FTO: variants seen among roughly 807,000 people sequenced by gnomAD.
FTO encodes the protein FTO alpha-ketoglutarate dependent dioxygenase, also known as alpha-ketoglutarate-dependent dioxygenase FTO.
In FTO, 47 loss-of-function variants were observed where a neutral mutation model predicts 63.9. The ratio of observed to expected loss-of-function variants is 0.74; its 90% CI spans 0.58 to 0.94. FTO has a LOEUF of 0.94. Ranked by LOEUF, FTO falls within the 40% of genes least tolerant of loss-of-function variation. FTO has a pLI of 0.00. For missense variants in FTO, 562 were observed against 618.1 expected, an observed-to-expected ratio of 0.91 and a Z score of 0.96; for synonymous variants, 207 against 224.4, an observed-to-expected ratio of 0.92 and a Z score of 0.69.
At chr16:53,781,367 A>G (rs1404842192) in intron 1 of FTO, among the ~76,000 whole-genome samples, 1 of 152,218 alleles carries the variant, frequency 6.6e-6, no homozygotes, top group East Asian at 1.9e-4. Context: ...TTTTATGTAA[A>G]TGTAACATGA....
At chr16:53,822,141 T>C (rs2151764652) in intron 2 of FTO, among the ~76,000 whole-genome samples, 1 of 152,298 alleles carries the variant, frequency 6.6e-6, no homozygotes, top group Admixed American at 6.5e-5. Flanking sequence ...AATCCAGAAC[T>C]ATTTGGCAAA....
At chr16:53,878,009 ATGT>A (rs552864273) in intron 5 of FTO, among the ~76,000 whole-genome samples, 10 of 152,160 alleles carry the variant, frequency 6.6e-5, no homozygotes, top group Non-Finnish European at 1.5e-4. Flanking sequence ...TTTTAAAAAG[ATGT>A]TGTAGGCTGG....
chr16:53,732,388 G>A (rs1313893643), intron 1 of FTO, among the ~76,000 whole-genome samples: 1 of 152,154 alleles, frequency 6.6e-6, no homozygotes, highest in African/African-American at 2.4e-5. Flanking sequence ...TTGCTAACCC[G>A]AATGAGAGAG....
intron 7 of FTO, among the ~76,000 whole-genome samples, chr16:53,916,631 T>G (rs1209403106): frequency 6.6e-6 from 1 of 152,184 alleles, no homozygotes; most frequent in East Asian, 1.9e-4. Context: ...GATGGCCTCT[T>G]TTAGTGGCAC....
intron 2 of FTO, chr16:53,814,717 C>T (rs1165375029): frequency 2.0e-5 from 3 of 152,578 alleles, no homozygotes; most frequent in Non-Finnish European, 4.4e-5. Context: ...ACCTCCAGCT[C>T]TCCACTTCCA....
intron 7 of FTO, among the ~76,000 whole-genome samples, chr16:53,901,130 C>A (rs868374881): frequency 2.6e-5 from 4 of 152,332 alleles, no homozygotes; most frequent in Admixed American, 6.5e-5. Flanking sequence ...ACTTTCAAGA[C>A]CTGTCTGCTT....
intron 8 of FTO, among the ~76,000 whole-genome samples, chr16:53,994,941 C>A (rs1172496887): frequency 6.6e-6 from 1 of 152,146 alleles, no homozygotes; most frequent in Non-Finnish European, 1.5e-5. Context: ...ACCATGTTGG[C>A]CAGGCTGGTC....
intron 1 of FTO, among the ~76,000 whole-genome samples, chr16:53,789,140 A>T (rs1396353356): frequency 6.6e-6 from 1 of 152,188 alleles, no homozygotes; most frequent in Non-Finnish European, 1.5e-5. Context: ...ATTGAATTTT[A>T]TGGATGAGAG....
intron 7 of FTO, chr16:53,911,134 G>A: frequency 2.1e-6 from 1 of 484,042 alleles, no homozygotes; most frequent in Admixed American, 3.3e-5. Context: ...TTCCTTTCAT[G>A]CCTATCATGT....
chr16:54,000,359 T>G (rs1440195204), intron 8 of FTO, among the ~76,000 whole-genome samples: 2 of 152,124 alleles, frequency 1.3e-5, no homozygotes, highest in Non-Finnish European at 2.9e-5. Context: ...AGAACAGATG[T>G]ATTTATGAGG....
intron 8 of FTO, among the ~76,000 whole-genome samples, chr16:53,960,751 G>T (rs966754161): frequency 6.6e-6 from 1 of 151,756 alleles, no homozygotes; most frequent in Non-Finnish European, 1.5e-5. Flanking sequence ...TAAAACCAAA[G>T]GGCCCAATTG....
At chr16:53,973,164 G>T (rs2083367727) in intron 8 of FTO, among the ~76,000 whole-genome samples, 1 of 152,168 alleles carries the variant, frequency 6.6e-6, no homozygotes, top group Non-Finnish European at 1.5e-5. Context: ...AGAAGCAGGT[G>T]GCCTGGCATC....
rs919625760 is a variant in FTO at position 53,713,710 on chromosome 16, A to T, written c.45+9481A>T. Among the ~76,000 whole-genome samples, 14 of 152,270 alleles carry T rather than the reference A, an allele frequency of 9.2e-5. No individual in the cohort carries two copies. In the East Asian group the frequency reaches 2.3e-3, roughly 25 times the overall value. On this transcript the variant is annotated intron_variant, in intron 1 of 8. Coordinates refer to ENST00000471389, the MANE Select transcript of FTO (RefSeq NM_001080432.3). ...TGAATTGGTGCCATGGTTTGCATTT[A>T]AAAAAATGTATTTTATTATGGTAAG... is the stretch of plus-strand genomic sequence containing the variant.
In FTO at chr16:53,768,216, C is replaced by T. The variant is rs377646182; in HGVS notation, c.46-41924C>T. On this transcript the variant is annotated intron_variant, in intron 1 of 8. Coordinates refer to ENST00000471389, the MANE Select transcript of FTO (RefSeq NM_001080432.3). ...TTTCTAAAATGGTCTAGGTACCTGA[C>T]ATCCTTTGATCCTTCATATGGTTAC... Among the ~76,000 whole-genome samples, 241 of 152,324 alleles carry T rather than the reference C, an allele frequency of 1.6e-3. 1 individual carries two copies. The highest frequency in any genetic ancestry group is 5.5e-3 in the African/African-American group (227 of 41,580).
At chr16:53,911,221 T>A in intron 7 of FTO, 3 of 587,670 alleles carry the variant, frequency 5.1e-6, no homozygotes, top group East Asian at 2.8e-5. Context: ...ACAGAGACAG[T>A]GGCTGAGCGA....
At chr16:53,858,087 A>G (rs2080061040) in intron 4 of FTO, among the ~76,000 whole-genome samples, 1 of 152,130 alleles carries the variant, frequency 6.6e-6, no homozygotes, top group Non-Finnish European at 1.5e-5. Flanking sequence ...AAAAAACTAG[A>G]AGGAATTAGA....
chr16:53,965,233 C>A (rs150279520), intron 8 of FTO, among the ~76,000 whole-genome samples: 4 of 152,284 alleles, frequency 2.6e-5, no homozygotes, highest in Non-Finnish European at 5.9e-5. Flanking sequence ...GTCACCACGC[C>A]TGGCTTGTTT....
intron 1 of FTO, among the ~76,000 whole-genome samples, chr16:53,786,620 T>C (rs2077746883): frequency 1.3e-5 from 2 of 152,216 alleles, no homozygotes; most frequent in South Asian, 4.1e-4. Flanking sequence ...AATTTTGTGA[T>C]GCACTTGGAT....
chr16:53,764,356 G>T (rs368994604), intron 1 of FTO: 23 of 152,618 alleles, frequency 1.5e-4, no homozygotes, highest in African/African-American at 4.8e-4. Flanking sequence ...GTGTGGCTGG[G>T]CGCGGTGGCT....
Sources: gnomAD v4.1 joint callset for allele counts (sites outside exome capture counted in the v4.1 genomes callset) on GRCh38, gnomAD v4.1.1 for gene constraint, MANE v1.5 for transcripts, NCBI Gene and HGNC (gene_info 2026-07-23, HGNC 2026-07-21) for gene names.